Variants in OPHN1 observed in about 807,000 individuals in gnomAD.
OPHN1 encodes the protein oligophrenin 1, also known as oligophrenin-1.
In OPHN1, 11 loss-of-function variants were observed where a neutral mutation model predicts 60.7. The ratio of observed to expected loss-of-function variants is 0.18; its 90% CI spans 0.11 to 0.30. The LOEUF is 0.30. Ranked by LOEUF, OPHN1 falls within the 10% of genes least tolerant of loss-of-function variation. The pLI is 1.00. For synonymous variants in OPHN1, 226 were observed against 222.6 expected (o/e 1.02, Z -0.14); for missense variants, 449 against 611.0 (o/e 0.73, Z 2.80).
intron 2 of OPHN1, among the ~76,000 whole-genome samples, chrX:68,300,571 G>A (rs759783157): frequency 2.7e-5 from 3 of 112,174 alleles, no homozygotes; most frequent in Non-Finnish European, 5.6e-5. Flanking sequence ...ACATGAATGT[G>A]ACAAGTGCAT....
At chrX:68,178,697 C>T (rs961595586) in intron 15 of OPHN1, among the ~76,000 whole-genome samples, 4 of 112,172 alleles carry the variant, frequency 3.6e-5, no homozygotes, top group Non-Finnish European at 5.6e-5. Context: ...AGCCACTGCG[C>T]CCAGCCCAGG....
At chrX:68,392,954 G>A (rs1258884337) in intron 2 of OPHN1, among the ~76,000 whole-genome samples, 1 of 111,303 alleles carries the variant, frequency 9.0e-6, no homozygotes. Context: ...CCGGGACACT[G>A]GACAAGAGCT....
At chrX:68,308,142 G>A (rs2078154911) in intron 2 of OPHN1, among the ~76,000 whole-genome samples, 1 of 111,612 alleles carries the variant, frequency 9.0e-6, no homozygotes, top group South Asian at 3.8e-4. Context: ...TGCCTCCCTG[G>A]GCCTCAATTA....
intron 21 of OPHN1, among the ~76,000 whole-genome samples, chrX:68,059,711 C>T (rs969508970): frequency 3.6e-5 from 4 of 111,555 alleles, no homozygotes; most frequent in Non-Finnish European, 5.6e-5. Flanking sequence ...CTGAGCAAGG[C>T]CTTACAAGCC....
At chrX:68,219,694 G>A (rs1385660402) in intron 6 of OPHN1, among the ~76,000 whole-genome samples, 16 of 109,779 alleles carry the variant, frequency 1.5e-4, no homozygotes, top group Middle Eastern at 4.2e-3. Flanking sequence ...GGTACATAAC[G>A]AAATGAAGGC....
In OPHN1 at chrX:68,044,990, C is replaced by T. The variant is rs987102349; in HGVS notation, c.*2182G>A. ...GTCAAACCATGTTTCTTTAAAGGGA[C>T]TGTGGCCCTATTAGCCATGCTTTCA... On this transcript the variant is annotated 3_prime_UTR_variant, in exon 25 of 25. Transcript: ENST00000355520. 3 of 111,953 alleles carry T rather than the reference C, an allele frequency of 2.7e-5. No homozygotes were observed. Among genetic ancestry groups the T allele is most frequent in the African/African-American group, 9.7e-5 (3 of 30,783 alleles). 9.2% of individuals were successfully genotyped at this position (111,953 alleles called of 1,213,427 possible).
At chrX:68,280,432 C>G (rs1870149995) in intron 4 of OPHN1, among the ~76,000 whole-genome samples, 1 of 111,432 alleles carries the variant, frequency 9.0e-6, no homozygotes, top group Non-Finnish European at 1.9e-5. Flanking sequence ...AGAATTAGAG[C>G]CTTAATTCTC....
At chrX:68,101,109 T>C (rs760982919) in intron 18 of OPHN1, among the ~76,000 whole-genome samples, 12 of 112,143 alleles carry the variant, frequency 1.1e-4, no homozygotes, top group African/African-American at 3.9e-4. Context: ...ATATTATCTG[T>C]CATTTACTTT....
At chrX:68,336,858 A>AC (rs2078326003) in intron 2 of OPHN1, among the ~76,000 whole-genome samples, 1 of 110,920 alleles carries the variant, frequency 9.0e-6, no homozygotes, top group Admixed American at 9.7e-5. Context: ...GTTTGAGACC[A>AC]GCCTGGCCAA....
chrX:68,057,669 A>T (rs1046347627), intron 21 of OPHN1, among the ~76,000 whole-genome samples: 2 of 111,653 alleles, frequency 1.8e-5, no homozygotes, highest in Admixed American at 1.9e-4. Context: ...ATGATTATTC[A>T]TTACAAGTAA....
intron 2 of OPHN1, among the ~76,000 whole-genome samples, chrX:68,369,565 C>T (rs12013670): frequency 0.17 from 18,101 of 109,588 alleles, 1,605 homozygotes; most frequent in African/African-American, 0.34. Flanking sequence ...AAAAACACTG[C>T]CTTAAATATG....
At chrX:68,061,093 T>G (rs55734909) in intron 21 of OPHN1, among the ~76,000 whole-genome samples, 1 of 111,969 alleles carries the variant, frequency 8.9e-6, no homozygotes, top group Non-Finnish European at 1.9e-5. Context: ...TCAGTTCTGC[T>G]TTCTGTAGCC....
chrX:68,421,415 G>A (rs1169553161), intron 2 of OPHN1, among the ~76,000 whole-genome samples: 2 of 111,828 alleles, frequency 1.8e-5, no homozygotes, highest in African/African-American at 6.5e-5. Flanking sequence ...TCAGCATAGT[G>A]ATGATGGTGG....
rs183945104 is a variant in OPHN1, at chrX:68,336,103, A to C, written c.155-37007T>G. 4.2e-3 allele frequency among the ~76,000 whole-genome samples: 471 copies of C among 111,252 alleles called. 3 individuals are homozygous for C. The highest frequency in any genetic ancestry group is 6.7e-3 in the Non-Finnish European group (356 of 53,101). ...GACTTCTTGAATCTCAAAGCAGTTGACCACAGAGAGTAATTCAAATTCACA... is the reference window on the plus strand; with the variant it reads ...GACTTCTTGAATCTCAAAGCAGTTGCCCACAGAGAGTAATTCAAATTCACA... On this transcript the variant is annotated intron_variant, in intron 2 of 24. Transcript: ENST00000355520.
At chrX:68,397,157 T>A (rs1306768869) in intron 2 of OPHN1, among the ~76,000 whole-genome samples, 7 of 112,446 alleles carry the variant, frequency 6.2e-5, no homozygotes, top group Admixed American at 1.9e-4. Context: ...TCTCACAGCC[T>A]GTAATGGAAG....
chrX:68,083,143 G>A (rs1280995624), intron 19 of OPHN1, among the ~76,000 whole-genome samples: 1 of 86,370 alleles, frequency 1.2e-5, no homozygotes, highest in Non-Finnish European at 2.2e-5. Context: ...CGCAATCTCG[G>A]CTCACTGCAA....
intron 15 of OPHN1, among the ~76,000 whole-genome samples, chrX:68,166,228 T>A (rs1250487142): frequency 8.9e-6 from 1 of 112,375 alleles, no homozygotes; most frequent in African/African-American, 3.2e-5. Context: ...AATTCAAAAC[T>A]TTCACACCTA....
intron 21 of OPHN1, among the ~76,000 whole-genome samples, chrX:68,057,722 C>T (rs772936468): frequency 1.3e-4 from 14 of 111,526 alleles, no homozygotes; most frequent in African/African-American, 3.9e-4. Context: ...CTGAAGACAC[C>T]GATGTTGTTC....
chrX:68,098,085 C>T (rs1480197315), intron 18 of OPHN1, among the ~76,000 whole-genome samples: 1 of 110,335 alleles, frequency 9.1e-6, no homozygotes, highest in Non-Finnish European at 1.9e-5. Flanking sequence ...CTGCTCATGT[C>T]GTTCTCTCTA....
Sources: allele counts gnomAD v4.1 joint callset (sites outside exome capture counted in the v4.1 genomes callset), GRCh38; gene constraint gnomAD v4.1.1; transcripts MANE v1.5; gene names NCBI Gene and HGNC (gene_info 2026-07-23, HGNC 2026-07-21).